Variants in SAMTOR observed in about 807,000 individuals in gnomAD.
SAMTOR encodes UPF0532 protein C7orf60.
the SAMTOR span, among the ~76,000 whole-genome samples, chr7:112,892,508 C>T: frequency 6.6e-6 from 1 of 152,138 alleles, no homozygotes; most frequent in Admixed American, 6.5e-5. Context: ...GTGACTCATG[C>T]CTGTAATCCT....
chr7:112,907,002 A>G, the SAMTOR span, among the ~76,000 whole-genome samples: 1 of 152,212 alleles, frequency 6.6e-6, no homozygotes, highest in Non-Finnish European at 1.5e-5. Context: ...CCTAAAGTAC[A>G]TGTGGAAAAA....
chr7:112,849,177 T>C, the SAMTOR span, among the ~76,000 whole-genome samples: 1 of 152,262 alleles, frequency 6.6e-6, no homozygotes, highest in Admixed American at 6.5e-5. Context: ...GGTTCTTTCA[T>C]TGGTTTCTGC....
chr7:112,881,381 G>A, the SAMTOR span, among the ~76,000 whole-genome samples: 3 of 152,190 alleles, frequency 2.0e-5, no homozygotes, highest in Non-Finnish European at 4.4e-5. Flanking sequence ...GGGCTGACTT[G>A]TCAGTTCCAG....
At chr7:112,863,162 C>T in the SAMTOR span, among the ~76,000 whole-genome samples, 250 of 152,236 alleles carry the variant, frequency 1.6e-3, 1 homozygote, top group African/African-American at 5.8e-3. Flanking sequence ...TTCGACAAAA[C>T]TCAAAGAAAC....
chr7:112,847,787 A>C, the SAMTOR span, among the ~76,000 whole-genome samples: 1 of 152,142 alleles, frequency 6.6e-6, no homozygotes, highest in Non-Finnish European at 1.5e-5. Flanking sequence ...TCAAAAGAAA[A>C]GAAAATATTA....
the SAMTOR span, among the ~76,000 whole-genome samples, chr7:112,828,170 T>C: frequency 6.6e-6 from 1 of 152,202 alleles, no homozygotes; most frequent in Admixed American, 6.5e-5. Flanking sequence ...TCTATATCAT[T>C]ATTTTTGCTT....
the SAMTOR span, among the ~76,000 whole-genome samples, chr7:112,885,911 C>T: frequency 3.3e-5 from 5 of 152,062 alleles, no homozygotes; most frequent in Admixed American, 6.5e-5. Context: ...AAGACATACC[C>T]GAGACTGGGT....
the SAMTOR span, among the ~76,000 whole-genome samples, chr7:112,900,796 A>T: frequency 6.6e-6 from 1 of 152,178 alleles, no homozygotes; most frequent in East Asian, 1.9e-4. Context: ...AAAAAAGAAA[A>T]TTTTTTCAAC....
the SAMTOR span, among the ~76,000 whole-genome samples, chr7:112,824,725 CCT>C: frequency 6.6e-6 from 1 of 151,974 alleles, no homozygotes; most frequent in South Asian, 2.1e-4. Context: ...TATGGATACC[CCT>C]TTGTTTCAAC....
chr7:112,890,304 G>A, the SAMTOR span, among the ~76,000 whole-genome samples: 2 of 151,928 alleles, frequency 1.3e-5, no homozygotes, highest in African/African-American at 4.8e-5. Flanking sequence ...TCATTGTTTG[G>A]CTACTAAATT....
the SAMTOR span, among the ~76,000 whole-genome samples, chr7:112,837,972 C>A: frequency 6.6e-6 from 1 of 152,078 alleles, no homozygotes; most frequent in Non-Finnish European, 1.5e-5. Context: ...TTCGTTAAGG[C>A]ACAATACAGC....
chr7:112,852,474 T>TG, the SAMTOR span, among the ~76,000 whole-genome samples: 1 of 151,574 alleles, frequency 6.6e-6, no homozygotes, highest in South Asian at 2.1e-4. Context: ...ATCCAAAAGG[T>TG]GGGAGGGGAG....
the SAMTOR span, chr7:112,895,595 G>A: frequency 1.3e-6 from 2 of 1,572,992 alleles, no homozygotes; most frequent in Non-Finnish European, 1.7e-6. Context: ...GGTTTGTAAA[G>A]CTGAGGTTGG....
At chr7:112,936,444 G>A in the SAMTOR span, among the ~76,000 whole-genome samples, 1 of 152,062 alleles carries the variant, frequency 6.6e-6, no homozygotes, top group African/African-American at 2.4e-5. Context: ...AGTGGTAAAC[G>A]AAAAGAGTGC....
chr7:112,875,096 G>A, the SAMTOR span, among the ~76,000 whole-genome samples: 2 of 152,118 alleles, frequency 1.3e-5, no homozygotes, highest in East Asian at 1.9e-4. Flanking sequence ...TGATGCCTCT[G>A]GTGTCACCTG....
At chr7:112,874,697 A>T in the SAMTOR span, among the ~76,000 whole-genome samples, 1 of 152,244 alleles carries the variant, frequency 6.6e-6, no homozygotes, top group Admixed American at 6.5e-5. Flanking sequence ...AGCCATCTGT[A>T]ACTTTACATA....
the SAMTOR span, among the ~76,000 whole-genome samples, chr7:112,823,769 T>A: frequency 1.3e-5 from 2 of 152,220 alleles, no homozygotes; most frequent in African/African-American, 4.8e-5. Flanking sequence ...GGTTATGTAG[T>A]TTCATGTTCC....
At chr7:112,927,602 G>T in the SAMTOR span, among the ~76,000 whole-genome samples, 2 of 151,894 alleles carry the variant, frequency 1.3e-5, no homozygotes, top group African/African-American at 4.8e-5. Flanking sequence ...CAGAGAGAAA[G>T]AGAGAGAGAA....
the SAMTOR span, among the ~76,000 whole-genome samples, chr7:112,937,496 C>T: frequency 6.6e-6 from 1 of 151,776 alleles, no homozygotes; most frequent in Non-Finnish European, 1.5e-5. Context: ...AAGTAAAACA[C>T]TAAAAATTAT....
Sources: gnomAD v4.1 joint callset for allele counts (sites outside exome capture counted in the v4.1 genomes callset) on GRCh38, gnomAD v4.1.1 for gene constraint, MANE v1.5 for transcripts, NCBI Gene and HGNC (gene_info 2026-07-23, HGNC 2026-07-21) for gene names.